Variants in CAND1 observed in about 807,000 individuals in gnomAD.
The protein encoded by CAND1 is cullin associated and neddylation dissociated 1.
Under a neutral mutation model 108.5 loss-of-function variants are expected in CAND1, and 7 were observed. That is an observed-to-expected ratio of 0.06 (90% CI 0.04 to 0.12). The LOEUF is 0.12. Ranked by LOEUF, CAND1 falls within the 10% of genes least tolerant of loss-of-function variation. CAND1 has a pLI of 1.00. For missense variants in CAND1, 941 were observed against 1,448.7 expected (o/e 0.65, Z 5.69); for synonymous variants, 534 against 512.0 (o/e 1.04, Z -0.58).
chr12:67,312,350 T>G (rs2044960390), intron 14 of CAND1, among the ~76,000 whole-genome samples: 1 of 151,938 alleles, frequency 6.6e-6, no homozygotes, highest in Non-Finnish European at 1.5e-5. Context: ...AAACAAAGAG[T>G]GTCCTACTCT....
chr12:67,281,494 A>G (rs1185825347), intron 1 of CAND1, among the ~76,000 whole-genome samples: 1 of 152,216 alleles, frequency 6.6e-6, no homozygotes, highest in Non-Finnish European at 1.5e-5. Flanking sequence ...AGGGCTTCCT[A>G]GATAGAATTC....
chr12:67,275,595 TAGC>T (rs773622579), intron 1 of CAND1, among the ~76,000 whole-genome samples: 7 of 151,878 alleles, frequency 4.6e-5, no homozygotes, highest in Non-Finnish European at 7.4e-5. Flanking sequence ...AAAAGTGAAA[TAGC>T]AGTGGTGTAT....
intron 1 of CAND1, among the ~76,000 whole-genome samples, chr12:67,275,936 T>C (rs2044565055): frequency 6.6e-6 from 1 of 152,214 alleles, no homozygotes; most frequent in African/African-American, 2.4e-5. Context: ...ACATTTATCT[T>C]TTTCTTTTCC....
chr12:67,311,588 A>G, intron 13 of CAND1, 105 bp from the exon 14 acceptor site: 1 of 412,706 alleles, frequency 2.4e-6, no homozygotes, highest in Non-Finnish European at 4.1e-6. Flanking sequence ...AGGAAGGTTT[A>G]CTTTGCATGC....
At chr12:67,296,645 G>A (rs764651059) in intron 4 of CAND1, among the ~76,000 whole-genome samples, 24 of 152,100 alleles carry the variant, frequency 1.6e-4, no homozygotes, top group Non-Finnish European at 2.9e-4. Context: ...ATGTTGGCCA[G>A]GGTGGTCTCG....
chr12:67,297,278 A>G (rs747986387), intron 4 of CAND1, 129 bp from the exon 5 acceptor site: 37 of 858,160 alleles, frequency 4.3e-5, no homozygotes, highest in Non-Finnish European at 7.0e-5. Context: ...TTTTTCTTTC[A>G]CTATGAATTA....
In CAND1 at chr12:67,297,789, T is replaced by G. The variant is rs1267041385; in HGVS notation, c.790T>G (p.Cys264Gly). 1.2e-6 allele frequency: 2 copies of G among 1,610,082 alleles called. No homozygotes were observed. The highest frequency in any genetic ancestry group is 1.7e-6 in the Non-Finnish European group (2 of 1,177,234). ...EKIIPLVVKF[C>G]NVDDDELREY... ...GATAATTCCTTTGGTGGTAAAATTT[T>G]GCAATGTAGATGATGATGAATTAAG... Residue 264 changes from cysteine to glycine, a missense_variant, in exon 6 of 15, where the codon TGC becomes GGC. Physicochemically the swap from Cys to Gly is radical, Grantham distance 159. Coordinates refer to ENST00000545606, the MANE Select transcript of CAND1 (RefSeq NM_018448.5).
rs752927340 is a variant in CAND1, at chr12:67,269,811, C to G, written c.68+26C>G. ...GTGAGGCCGAGATCCGACCCTCACCCCACCTCGGGGTTCTCGCAGCCGCGG... is the reference window on the plus strand; with the variant it reads ...GTGAGGCCGAGATCCGACCCTCACCGCACCTCGGGGTTCTCGCAGCCGCGG... On this transcript the variant is annotated intron_variant, in intron 1 of 14. Transcript: ENST00000545606. 3 of 1,589,832 alleles carry G rather than the reference C, an allele frequency of 1.9e-6. 1 individual carries two copies. The South Asian group carries it at 3.4e-5, about 18-fold the overall frequency.
At chr12:67,291,934 G>A (rs1281873902) in intron 2 of CAND1, among the ~76,000 whole-genome samples, 2 of 152,104 alleles carry the variant, frequency 1.3e-5, no homozygotes, top group Non-Finnish European at 2.9e-5. Flanking sequence ...GTACAATCTC[G>A]GCTCACTGCA....
chr12:67,280,927 C>T (rs974558317), intron 1 of CAND1, among the ~76,000 whole-genome samples: 25 of 151,990 alleles, frequency 1.6e-4, no homozygotes, highest in African/African-American at 6.0e-4. Flanking sequence ...TTTTTAGAAT[C>T]ACCTCTTCAC....
rs1592631027 is a variant in CAND1, at chr12:67,317,508, A to C, written c.*4678A>C. The stretch of plus-strand genomic sequence containing the variant: ...TTTTTTTTTTTTTTGAGATTGATGG[A>C]GTCTTGCTTTGTCTCCCAGGCTGGA... On this transcript the variant is annotated 3_prime_UTR_variant, in exon 15 of 15. Transcript: ENST00000545606. The C allele has an allele frequency of 1.4e-5, 1 of 73,716 alleles. No individual in the cohort carries two copies. The highest frequency in any genetic ancestry group is 2.4e-5 in the Non-Finnish European group (1 of 41,106). 4.6% of individuals were successfully genotyped at this position (73,716 alleles called of 1,614,324 possible).
chr12:67,305,671 T>A lies in CAND1; in HGVS notation c.2003T>A (p.Leu668Gln), dbSNP rs1217333854. The A allele has an allele frequency of 6.2e-7, 1 of 1,613,964 alleles. No individual in the cohort carries two copies. The highest frequency in any genetic ancestry group is 8.5e-7 in the Non-Finnish European group (1 of 1,179,988). The change falls in exon 10 of 15, where the codon CTG (leucine) becomes CAG (glutamine). Residue 668 changes from leucine to glutamine, a missense_variant. By Grantham distance (113) the Leu-to-Gln change is moderately radical (BLOSUM62 -2). Coordinates refer to ENST00000545606, the MANE Select transcript of CAND1 (RefSeq NM_018448.5). The surrounding 1 kb of genome is among the most constrained non-coding windows in gnomAD (Gnocchi z 4.4). ...AGAAAAAACCAGAGAGCTTTGAAAC[T>A]GGGTACTCTTTCTGCCCTTGATATT... ...FLRKNQRALK[L>Q]GTLSALDILI...
chr12:67,286,397 A>T (rs1021061215), intron 2 of CAND1, among the ~76,000 whole-genome samples: 2 of 152,144 alleles, frequency 1.3e-5, no homozygotes, highest in Non-Finnish European at 2.9e-5. Flanking sequence ...CCCAAAGTCT[A>T]TCTACCACTT....
At chr12:67,282,146 G>A in intron 2 of CAND1, 93 bp downstream of exon 2, 3 of 1,283,956 alleles carry the variant, frequency 2.3e-6, no homozygotes, top group Non-Finnish European at 1.1e-6. Flanking sequence ...TCTTAGCCTT[G>A]TACTATCTCT....
At chr12:67,286,601 T>G (rs1424791988) in intron 2 of CAND1, among the ~76,000 whole-genome samples, 1 of 151,828 alleles carries the variant, frequency 6.6e-6, no homozygotes, top group Admixed American at 6.6e-5. Context: ...ATTATCAAGT[T>G]CTAGTTCTTC....
At chr12:67,280,310 T>C (rs1212032778) in intron 1 of CAND1, among the ~76,000 whole-genome samples, 1 of 152,242 alleles carries the variant, frequency 6.6e-6, no homozygotes, top group Admixed American at 6.5e-5. Context: ...GTACTAGTTA[T>C]TGGAATTATC....
At chr12:67,310,434 A>G (rs2044936785) in intron 13 of CAND1, 118 bp downstream of exon 13, 2 of 711,858 alleles carry the variant, frequency 2.8e-6, no homozygotes, top group Non-Finnish European at 4.6e-6. Context: ...GAAGATTTTG[A>G]TAAGCATATT....
At chr12:67,275,577 A>C (rs2135989608) in intron 1 of CAND1, among the ~76,000 whole-genome samples, 1 of 152,300 alleles carries the variant, frequency 6.6e-6, no homozygotes, top group East Asian at 1.9e-4. Flanking sequence ...TCTAAGGAAT[A>C]ACTGAGGAAA....
intron 1 of CAND1, among the ~76,000 whole-genome samples, chr12:67,271,226 G>A (rs552373201): frequency 6.6e-6 from 1 of 152,130 alleles, no homozygotes; most frequent in Non-Finnish European, 1.5e-5. Flanking sequence ...TGTAGTTCTA[G>A]GGCCAAAATT....
Sources: allele counts gnomAD v4.1 joint callset (sites outside exome capture counted in the v4.1 genomes callset), GRCh38; gene constraint gnomAD v4.1.1; non-coding constraint Gnocchi (gnomAD v3.1); transcripts MANE v1.5; gene names NCBI Gene and HGNC (gene_info 2026-07-23, HGNC 2026-07-21).